Variants in XXYLT1 observed in about 807,000 individuals in gnomAD.
XXYLT1 encodes xyloside xylosyltransferase 1, also known as UDP-xylose:alpha-xyloside alpha-1,3-xylosyltransferase.
Under a neutral mutation model 28.9 loss-of-function variants are expected in XXYLT1, and 20 were observed. The ratio of observed to expected loss-of-function variants is 0.69; its 90% CI spans 0.49 to 1.00. The LOEUF is 1.00. XXYLT1 is among the 50% of genes least tolerant of loss of function. The pLI, the probability that XXYLT1 is intolerant of heterozygous loss-of-function variation, is 0.00. For synonymous variants in XXYLT1, 257 were observed against 253.8 expected, an observed-to-expected ratio of 1.01 and a Z score of -0.12; for missense variants, 542 against 560.1, an observed-to-expected ratio of 0.97 and a Z score of 0.33.
intron 3 of XXYLT1, among the ~76,000 whole-genome samples, chr3:195,151,063 G>A (rs1398283567): frequency 1.3e-5 from 2 of 151,910 alleles, no homozygotes; most frequent in Non-Finnish European, 2.9e-5. Context: ...CTTGAGGGCT[G>A]CCTCCCACCC....
At chr3:195,119,227 T>C (rs1718209700) in intron 3 of XXYLT1, among the ~76,000 whole-genome samples, 1 of 143,770 alleles carries the variant, frequency 7.0e-6, no homozygotes, top group Non-Finnish European at 1.5e-5. Flanking sequence ...GAGGTTGCAG[T>C]GAGCCGAGAT....
chr3:195,139,923 C>T (rs773527958), intron 3 of XXYLT1, among the ~76,000 whole-genome samples: 2 of 152,192 alleles, frequency 1.3e-5, no homozygotes, highest in Admixed American at 6.5e-5. Context: ...AGACATAATA[C>T]AAGCCCATCC....
intron 1 of XXYLT1, among the ~76,000 whole-genome samples, chr3:195,252,974 A>G (rs2108842753): frequency 6.6e-6 from 1 of 152,276 alleles, no homozygotes; most frequent in East Asian, 1.9e-4. Flanking sequence ...CTCTATCCAA[A>G]TTAGGCCTGC....
chr3:195,229,468 A>C (rs1225570751), intron 1 of XXYLT1, among the ~76,000 whole-genome samples: 1 of 152,182 alleles, frequency 6.6e-6, no homozygotes, highest in African/African-American at 2.4e-5. Flanking sequence ...TGTGCTAGCA[A>C]ATACTAGGTC....
intron 2 of XXYLT1, chr3:195,175,895 GA>G (rs111780152): frequency 0.025 from 25,965 of 1,038,016 alleles, 197 homozygotes; most frequent in African/African-American, 0.087. Context: ...GTGTGGGAAA[GA>G]AAAAAAAAAA....
chr3:195,090,144 C>T (rs1324741477), intron 3 of XXYLT1, among the ~76,000 whole-genome samples: 2 of 151,542 alleles, frequency 1.3e-5, no homozygotes, highest in Non-Finnish European at 2.9e-5. Flanking sequence ...CAAGGATACC[C>T]AGGAATTGAA....
intron 3 of XXYLT1, among the ~76,000 whole-genome samples, chr3:195,096,500 AAC>A (rs1167535581): frequency 6.6e-6 from 1 of 152,168 alleles, no homozygotes; most frequent in Non-Finnish European, 1.5e-5. Flanking sequence ...CATGCTGACA[AAC>A]ACACACGATA....
At chr3:195,148,333 A>G (rs1171144308) in intron 3 of XXYLT1, among the ~76,000 whole-genome samples, 1 of 152,202 alleles carries the variant, frequency 6.6e-6, no homozygotes, top group Admixed American at 6.5e-5. Flanking sequence ...CACTTAGCCC[A>G]GTTTTCTAAC....
chr3:195,143,876 A>ATC (rs1719681294), intron 3 of XXYLT1, among the ~76,000 whole-genome samples: 2 of 111,800 alleles, frequency 1.8e-5, no homozygotes, highest in African/African-American at 8.2e-5. Flanking sequence ...ATATAGATAT[A>ATC]TATATATATA....
chr3:195,216,455 C>T (rs111586660), intron 2 of XXYLT1, among the ~76,000 whole-genome samples: 5 of 149,600 alleles, frequency 3.3e-5, no homozygotes, highest in South Asian at 2.2e-4. Flanking sequence ...ATCAAATAGA[C>T]GCAATAAAAA....
intron 1 of XXYLT1, among the ~76,000 whole-genome samples, chr3:195,248,268 AAAG>A (rs1365272065): frequency 1.3e-5 from 2 of 152,200 alleles, no homozygotes; most frequent in African/African-American, 4.8e-5. Context: ...GCTAAGGAGA[AAAG>A]AAGAAGAAAA....
intron 2 of XXYLT1, among the ~76,000 whole-genome samples, chr3:195,199,010 TGATG>T (rs1722741738): frequency 1.3e-5 from 2 of 152,212 alleles, no homozygotes; most frequent in African/African-American, 4.8e-5. Context: ...AATAATCAGC[TGATG>T]GAGACTTGCT....
intron 1 of XXYLT1, among the ~76,000 whole-genome samples, chr3:195,231,657 T>G (rs1165015281): frequency 1.3e-5 from 2 of 152,204 alleles, no homozygotes; most frequent in African/African-American, 4.8e-5. Flanking sequence ...TTTTTGCCCT[T>G]CATTTAGTTG....
At chr3:195,138,383 G>A (rs1442459874) in intron 3 of XXYLT1, among the ~76,000 whole-genome samples, 1 of 152,096 alleles carries the variant, frequency 6.6e-6, no homozygotes, top group African/African-American at 2.4e-5. Flanking sequence ...ACTAGTCAAG[G>A]GCCTGGTCCT....
At chr3:195,099,158 T>C (rs1336052977) in intron 3 of XXYLT1, among the ~76,000 whole-genome samples, 2 of 152,224 alleles carry the variant, frequency 1.3e-5, no homozygotes, top group African/African-American at 2.4e-5. Flanking sequence ...CCGCTTGCTG[T>C]TGAAGAGGGT....
At chr3:195,260,471 C>T (rs1725657846) in intron 1 of XXYLT1, among the ~76,000 whole-genome samples, 1 of 152,194 alleles carries the variant, frequency 6.6e-6, no homozygotes, top group Non-Finnish European at 1.5e-5. Context: ...GGGCACGGGG[C>T]ACCTGGAAAG....
intron 3 of XXYLT1, among the ~76,000 whole-genome samples, chr3:195,089,379 C>G (rs1276458393): frequency 1.3e-5 from 2 of 152,060 alleles, no homozygotes; most frequent in Non-Finnish European, 1.5e-5. Flanking sequence ...ATTCAACATT[C>G]TTAAAGAAAA....
rs374676239 is a variant in XXYLT1, at chr3:195,201,975, A to G, written c.652+24734T>C. Among the ~76,000 whole-genome samples, 17 of 152,232 alleles carry G rather than the reference A, an allele frequency of 1.1e-4. 2 individuals carry two copies. In the South Asian group the frequency reaches 1.9e-3, roughly 17 times the overall value. The stretch of plus-strand genomic sequence containing the variant: ...GGGCGGATCATGAGGTCAGAAGTTC[A>G]AGACCAGCCTGACCAACATGGAGAA... On this transcript the variant is annotated intron_variant, in intron 2 of 3. Coordinates refer to ENST00000310380, the MANE Select transcript of XXYLT1 (RefSeq NM_152531.5).
At chr3:195,270,531 A>T in intron 1 of XXYLT1, 24 bp downstream of exon 1, 1 of 1,363,866 alleles carries the variant, frequency 7.3e-7, no homozygotes, top group Non-Finnish European at 9.4e-7. Flanking sequence ...ACCCACCGGG[A>T]GCCCCCAGCC....
Sources: allele counts gnomAD v4.1 joint callset (sites outside exome capture counted in the v4.1 genomes callset), GRCh38; gene constraint gnomAD v4.1.1; transcripts MANE v1.5; gene names NCBI Gene and HGNC (gene_info 2026-07-23, HGNC 2026-07-21).